LTBP4: variants seen among roughly 807,000 people sequenced by gnomAD.
LTBP4 encodes the protein latent-transforming growth factor beta-binding protein 4.
A neutral mutation model predicts 180.2 loss-of-function variants in LTBP4; 93 were observed. That is an observed-to-expected ratio of 0.52 (90% CI 0.44 to 0.61). LTBP4 has a LOEUF of 0.61. LTBP4 is among the 20% of genes least tolerant of loss of function. LTBP4 has a pLI of 0.00. For synonymous variants in LTBP4, 947 were observed against 934.5 expected, an observed-to-expected ratio of 1.01 and a Z score of -0.24; for missense variants, 2,116 against 2,256.5, an observed-to-expected ratio of 0.94 and a Z score of 1.26.
chr19:40,629,590 C>A lies in LTBP4; in HGVS notation c.*40C>A. ...TGGCCGCCCACCCGCGCCCGCCACT[C>A]GGGGCCCCTGCCGCGCATCCTGCAG... is the stretch of plus-strand genomic sequence containing the variant. On this transcript the variant is annotated 3_prime_UTR_variant, in exon 30 of 30. Coordinates refer to ENST00000396819, the MANE Select transcript of LTBP4 (RefSeq NM_001042545.2). This position sits in a 1 kb window ranked among gnomAD's most constrained non-coding sequence, Gnocchi z 4.5. 1 of 1,341,474 alleles carries A rather than the reference C, an allele frequency of 7.5e-7. No individual in the cohort carries two copies. Among genetic ancestry groups the A allele is most frequent in the Non-Finnish European group, 9.5e-7 (1 of 1,048,708 alleles). 83.1% of individuals were successfully genotyped at this position (1,341,474 alleles called of 1,614,324 possible).
upstream of LTBP4, chr19:40,599,169 T>A: frequency 6.3e-7 from 1 of 1,586,306 alleles, no homozygotes; most frequent in Non-Finnish European, 8.6e-7. Context: ...GCTAGGGGCC[T>A]GAGTGACTTC....
chr19:40,602,002 G>A (rs139267853), intron 1 of LTBP4, among the ~76,000 whole-genome samples: 100 of 152,126 alleles, frequency 6.6e-4, no homozygotes, highest in Middle Eastern at 6.8e-3. Context: ...GACCAAGCAA[G>A]AGTCTCAGGA....
chr19:40,601,423 A>G lies in LTBP4; in HGVS notation c.36A>G (p.Leu12=), dbSNP rs1294107429. The change falls in exon 1 of 30, where the codon CTA becomes CTG. Residue 12 remains leucine (L), a synonymous_variant. Coordinates refer to ENST00000396819, the MANE Select transcript of LTBP4 (RefSeq NM_001042545.2). The stretch of plus-strand genomic sequence containing the variant: ...GCGTGCGGCTGCTCTGGGTGTCGCT[A>G]TTGGTGCTGCTGGCGCAGCTAGGGC... ...AGGVRLLWVS[L]LVLLAQLGPQ... is the part of the protein sequence containing the mutation. The G allele has an allele frequency of 3.5e-6, 5 of 1,439,944 alleles. No homozygotes were observed. The highest frequency in any genetic ancestry group is 3.0e-5 in the East Asian group (1 of 32,830). The allele number at this position is 1,439,944 out of a possible 1,614,324, so 89.2% of individuals were successfully genotyped here.
chr19:40,610,347 T>C (rs1051947089), intron 11 of LTBP4, 185 bp from the exon 12 acceptor site: 10 of 663,268 alleles, frequency 1.5e-5, no homozygotes, highest in South Asian at 2.0e-5. Flanking sequence ...GCCCTTGCGC[T>C]ACCAAACCCT....
chr19:40,594,112 G>A (rs995678292), intron 1 of LTBP4, among the ~76,000 whole-genome samples: 7 of 152,010 alleles, frequency 4.6e-5, no homozygotes, highest in Non-Finnish European at 1.0e-4. Flanking sequence ...GGGGGTGGGG[G>A]GGGAGAGAGA....
intron 1 of LTBP4, among the ~76,000 whole-genome samples, chr19:40,596,017 T>G (rs1012515718): frequency 6.8e-6 from 1 of 146,026 alleles, no homozygotes; most frequent in Non-Finnish European, 1.5e-5. Flanking sequence ...ACCTCCTGGG[T>G]TCAAACGATT....
intron 1 of LTBP4, among the ~76,000 whole-genome samples, chr19:40,603,637 C>T (rs902064709): frequency 5.9e-5 from 9 of 152,198 alleles, no homozygotes; most frequent in African/African-American, 2.2e-4. Context: ...GACTCCAGTC[C>T]CTTTATCCTT....
In LTBP4 at chr19:40,610,552, G is replaced by A; in HGVS notation, c.1705G>A (p.Val569Met). Reference protein sequence around the residue: ...ECLDVDECHRVPPPCDLGRCE... With the variant: ...ECLDVDECHRMPPPCDLGRCE... ...TACAGATGTGGACGAGTGCCACCGC[G>A]TGCCGCCGCCGTGTGACCTCGGGCG... is the stretch of plus-strand genomic sequence containing the variant. Residue 569 changes from valine to methionine, a missense_variant, in exon 12 of 30, where the codon GTG becomes ATG. Around this residue, in one of 5 missense-constraint regions of LTBP4, gnomAD observed 877 missense variants for 873.6 expected, o/e 1.00. Coordinates refer to ENST00000396819, the MANE Select transcript of LTBP4 (RefSeq NM_001042545.2). 1.3e-6 allele frequency: 2 copies of A among 1,593,968 alleles called. No individual in the cohort carries two copies. The highest frequency in any genetic ancestry group is 1.7e-6 in the Non-Finnish European group (2 of 1,175,936).
Position 40,617,098 on chromosome 19 carries a change from A to C in LTBP4, c.2945-2A>C. ...AATGGCCTGACTGTCTGGTGGTTGC[A>C]GATGTGGACGAATGCCGGAACCGGT... On this transcript the variant is annotated splice_acceptor_variant, in intron 20 of 29. Transcript: ENST00000396819. LOFTEE classifies it high-confidence loss of function. 1 of 1,614,018 alleles carries C rather than the reference A, an allele frequency of 6.2e-7. No individual in the cohort carries two copies.
At chr19:40,599,722 G>A (rs1274484496), upstream of LTBP4, 2 of 637,556 alleles carry the variant, frequency 3.1e-6, no homozygotes, top group African/African-American at 1.9e-5. Context: ...TCCCTTGCCT[G>A]CCTATCTCAG....
In LTBP4 at chr19:40,612,102, T is replaced by G; in HGVS notation, c.2209T>G (p.Cys737Gly). 1.9e-6 allele frequency: 3 copies of G among 1,613,752 alleles called. No individual in the cohort carries two copies. The highest frequency in any genetic ancestry group is 2.5e-6 in the Non-Finnish European group (3 of 1,179,802). Residue 737 changes from cysteine (C) to glycine (G), a missense_variant, in exon 15 of 30, where the codon TGC becomes GGC. By Grantham distance (159) the Cys-to-Gly change is radical. Around this residue, in one of 5 missense-constraint regions of LTBP4, gnomAD observed 877 missense variants for 873.6 expected, o/e 1.00. Transcript: ENST00000396819. ...DVDECENHLA[C>G]PGQECVNSPG... The stretch of plus-strand genomic sequence containing the variant: ...GGATGAGTGTGAGAACCACCTCGCA[T>G]GCCCTGGGCAGGAGTGTGTGAACTC...
chr19:40,613,173 C>G lies in LTBP4; in HGVS notation c.2408C>G (p.Ser803Trp). ...TGCGCGCCAGGCTACCGGGCGCCGT[C>G]GGGTCGGCCCGGGCCCTGCGCAGGT... ...CSCAPGYRAPSGRPGPCADVN... is the reference protein window; with the variant it reads ...CSCAPGYRAPWGRPGPCADVN... The change falls in exon 16 of 30, where the codon TCG (serine) becomes TGG (tryptophan). Residue 803 changes from serine to tryptophan, a missense_variant. Coordinates refer to ENST00000396819, the MANE Select transcript of LTBP4 (RefSeq NM_001042545.2). The surrounding 1 kb of genome is among the most constrained non-coding windows in gnomAD (Gnocchi z 5.0). 2 of 1,571,772 alleles carry G rather than the reference C, an allele frequency of 1.3e-6. No homozygotes were observed. Among genetic ancestry groups the G allele is most frequent in the South Asian group, 2.3e-5 (2 of 86,100 alleles).
Position 40,605,872 on chromosome 19 carries a change from G to T in LTBP4, c.793+41G>T. The T allele has an allele frequency of 3.3e-6, 5 of 1,522,940 alleles. No individual in the cohort carries two copies. The highest frequency in any genetic ancestry group is 3.5e-6 in the Non-Finnish European group (4 of 1,137,380). 94.3% of individuals were successfully genotyped at this position (1,522,940 alleles called of 1,614,324 possible). ...TCCCCGAAGTGCTCGGAGCTGGGGA[G>T]TGGTGACAACCTCACCGTTCCTCCT... On this transcript the variant is annotated intron_variant, in intron 4 of 29. Transcript: ENST00000396819. This position sits in a 1 kb window ranked among gnomAD's most constrained non-coding sequence, Gnocchi z 5.5.
intron 6 of LTBP4, 68 bp from the exon 7 acceptor site, chr19:40,607,285 CATTCCCCTCTCT>C: frequency 1.8e-6 from 2 of 1,099,406 alleles, no homozygotes; most frequent in Admixed American, 2.1e-5. Flanking sequence ...ACCCCAGAAC[CATTCCCCTCTCT>C]CCCAAATCCC....
intron 11 of LTBP4, 91 bp from the exon 12 acceptor site, chr19:40,610,441 C>A: frequency 6.8e-7 from 1 of 1,460,146 alleles, no homozygotes; most frequent in South Asian, 1.3e-5. Context: ...CAAGCTTGGT[C>A]CCGCTCCCGC....
rs2081604922 is a variant in LTBP4 at position 40,623,857 on chromosome 19, A to G, written c.3686-79A>G. The stretch of plus-strand genomic sequence containing the variant: ...CTGGAGTCTAGACTCCATCCATCAC[A>G]CTGCCAATGTGCTGGGAAGAGAAAT... On this transcript the variant is annotated intron_variant, in intron 25 of 29. Coordinates refer to ENST00000396819, the MANE Select transcript of LTBP4 (RefSeq NM_001042545.2). The G allele has an allele frequency of 3.1e-6, 5 of 1,598,258 alleles. No homozygotes were observed. In the Admixed American group the frequency reaches 8.4e-5, roughly 27 times the overall value.
intron 26 of LTBP4, among the ~76,000 whole-genome samples, chr19:40,625,068 T>C (rs2081614272): frequency 6.6e-6 from 1 of 150,378 alleles, no homozygotes; most frequent in African/African-American, 2.5e-5. Flanking sequence ...TTGAACACTC[T>C]ACTTGTCGTT....
In LTBP4 at chr19:40,627,089, G is replaced by A. The variant is rs1160030633; in HGVS notation, c.4100G>A (p.Gly1367Asp). 6.2e-7 allele frequency: 1 copy of A among 1,613,910 alleles called. No homozygotes were observed. The highest frequency in any genetic ancestry group is 8.5e-7 in the Non-Finnish European group (1 of 1,179,838). Residue 1367 changes from glycine to aspartate, a missense_variant, in exon 28 of 30, where the codon GGC becomes GAC. This residue lies in a region of LTBP4 where 488 missense variants were observed against 458.8 expected (regional missense o/e 1.06). Coordinates refer to ENST00000396819, the MANE Select transcript of LTBP4 (RefSeq NM_001042545.2). The part of the protein sequence containing the change: ...YGPDLGPPYQ[G>D]LPYGPELYPP... ...CCAGACTTAGGTCCACCTTACCAGG[G>A]CCTCCCATATGGGCCTGAGTTGTAC...
chr19:40,597,261 C>A, upstream of LTBP4: 1 of 1,510,266 alleles, frequency 6.6e-7, no homozygotes. Flanking sequence ...CCAGCGGCCG[C>A]CGCCCCCTCC....
Sources: allele counts gnomAD v4.1 joint callset (sites outside exome capture counted in the v4.1 genomes callset), GRCh38; gene constraint gnomAD v4.1.1; regional missense constraint gnomAD v4.1.1; non-coding constraint Gnocchi (gnomAD v3.1); transcripts MANE v1.5; gene names NCBI Gene and HGNC (gene_info 2026-07-23, HGNC 2026-07-21).